TTC6: variants seen among roughly 807,000 people sequenced by gnomAD.
TTC6 encodes the protein tetratricopeptide repeat protein 6.
A neutral mutation model predicts 210.4 loss-of-function variants in TTC6; 172 were observed. The ratio of observed to expected loss-of-function variants is 0.82; its 90% CI spans 0.72 to 0.93. The LOEUF (loss-of-function observed/expected upper bound fraction) is 0.93, where lower values mean the gene tolerates loss of function less well. TTC6 is among the 40% of genes least tolerant of loss of function. TTC6 has a pLI of 0.00. For synonymous variants in TTC6, 804 were observed against 819.6 expected (o/e 0.98, Z 0.32); for missense variants, 2,414 against 2,318.1 (o/e 1.04, Z -0.85).
intron 8 of TTC6, among the ~76,000 whole-genome samples, chr14:37,737,215 TG>T (rs1449428532): frequency 6.6e-6 from 1 of 152,172 alleles, no homozygotes; most frequent in Non-Finnish European, 1.5e-5. Flanking sequence ...AACACTTGCG[TG>T]GTTTCCTGAA....
intron 1 of TTC6, among the ~76,000 whole-genome samples, chr14:37,640,501 A>G (rs565835594): frequency 1.3e-5 from 2 of 152,298 alleles, no homozygotes; most frequent in African/African-American, 4.8e-5. Context: ...TTTAAAATAC[A>G]TAACTCAATT....
intron 5 of TTC6, among the ~76,000 whole-genome samples, chr14:37,703,069 T>A (rs2138690764): frequency 6.6e-6 from 1 of 152,164 alleles, no homozygotes; most frequent in Non-Finnish European, 1.5e-5. Flanking sequence ...AGCATGACAT[T>A]CTTTGGAATA....
intron 24 of TTC6, 23 bp downstream of exon 26, chr14:37,808,869 C>T: frequency 8.1e-7 from 1 of 1,239,550 alleles, no homozygotes; most frequent in Non-Finnish European, 1.2e-6. Context: ...TTTTAGTAAA[C>T]AATGTGTTTA....
chr14:37,602,624 G>GATGA (rs1216747286), intron 1 of TTC6, among the ~76,000 whole-genome samples: 1 of 152,110 alleles, frequency 6.6e-6, no homozygotes, highest in Non-Finnish European at 1.5e-5. Context: ...CCACCGGGTG[G>GATGA]ATGAACCCAC....
intron 3 of TTC6, among the ~76,000 whole-genome samples, chr14:37,693,063 G>A (rs2095807342): frequency 6.6e-6 from 1 of 151,804 alleles, no homozygotes; most frequent in Non-Finnish European, 1.5e-5. Context: ...CAGACAACAG[G>A]AAGAAATAAA....
Position 37,610,423 on chromosome 14 carries a change from G to A in TTC6, c.-155+3681G>A, listed in dbSNP as rs930417949. 2.6e-5 allele frequency among the ~76,000 whole-genome samples: 4 copies of A among 152,188 alleles called. No homozygotes were observed. In the East Asian group the frequency reaches 7.7e-4, roughly 29 times the overall value. Reference sequence around the variant, plus strand: ...TTTTTTAGTTGCCTGAATTTGGAGAGAGAGGGGTTGGTACAGAGGAATATA... The same window carrying A: ...TTTTTTAGTTGCCTGAATTTGGAGAAAGAGGGGTTGGTACAGAGGAATATA... On this transcript the variant is annotated intron_variant, in intron 2 of 2. Coordinates refer to the TTC6 transcript ENST00000556845.
chr14:37,790,489 T>G (rs1333513769), intron 15 of TTC6, among the ~76,000 whole-genome samples: 1 of 152,196 alleles, frequency 6.6e-6, no homozygotes, highest in Non-Finnish European at 1.5e-5. Flanking sequence ...TTAATTCAGC[T>G]CTAATGAGTT....
chr14:37,795,868 A>G (rs768106417), intron 18 of TTC6, among the ~76,000 whole-genome samples: 1 of 152,184 alleles, frequency 6.6e-6, no homozygotes, highest in Non-Finnish European at 1.5e-5. Context: ...TATCAAAAAT[A>G]TAAACTTTTA....
intron 14 of TTC6, among the ~76,000 whole-genome samples, chr14:37,786,281 G>A (rs12161884): frequency 6.6e-6 from 1 of 152,210 alleles, no homozygotes; most frequent in Non-Finnish European, 1.5e-5. Flanking sequence ...CACCCAGTTC[G>A]AGTTTCCCAG....
chr14:37,747,774 T>TGGCA (rs1210351503), intron 10 of TTC6, among the ~76,000 whole-genome samples: 1 of 152,168 alleles, frequency 6.6e-6, no homozygotes, highest in African/African-American at 2.4e-5. Flanking sequence ...GAAACATATC[T>TGGCA]GGCACAGAAG....
intron 14 of TTC6, among the ~76,000 whole-genome samples, chr14:37,771,383 A>G (rs1403754247): frequency 6.6e-6 from 1 of 152,084 alleles, no homozygotes; most frequent in African/African-American, 2.4e-5. Context: ...CTCCTGGATA[A>G]TATCCTGCAG....
At chr14:37,619,853 A>T (rs910341694), upstream of TTC6, among the ~76,000 whole-genome samples, 13 of 151,992 alleles carry the variant, frequency 8.6e-5, no homozygotes, top group African/African-American at 3.1e-4. Context: ...ATTACCTTTC[A>T]AAGTTCAAAA....
At chr14:37,761,187 A>G (rs2095983359) in intron 14 of TTC6, among the ~76,000 whole-genome samples, 1 of 151,966 alleles carries the variant, frequency 6.6e-6, no homozygotes, top group Admixed American at 6.6e-5. Context: ...TGCAATAACC[A>G]TGGGAAAAGT....
intron 14 of TTC6, among the ~76,000 whole-genome samples, chr14:37,758,652 G>A (rs2095974986): frequency 6.6e-6 from 1 of 152,108 alleles, no homozygotes; most frequent in African/African-American, 2.4e-5. Context: ...TTGCATGTCT[G>A]TATCTTTTAA....
intron 25 of TTC6, among the ~76,000 whole-genome samples, chr14:37,816,525 C>CG (rs1397586975): frequency 2.0e-5 from 3 of 152,166 alleles, no homozygotes; most frequent in Admixed American, 2.0e-4. Context: ...ATATTCCCCA[C>CG]TGCTCTGCTT....
intron 3 of TTC6, among the ~76,000 whole-genome samples, chr14:37,693,234 C>T (rs1256233490): frequency 6.6e-6 from 1 of 152,120 alleles, no homozygotes; most frequent in Non-Finnish European, 1.5e-5. Context: ...AAATCAGTAG[C>T]ATTTCTATGC....
chr14:37,761,292 C>G (rs149119416), intron 14 of TTC6, among the ~76,000 whole-genome samples: 1 of 151,852 alleles, frequency 6.6e-6, no homozygotes, highest in South Asian at 2.1e-4. Context: ...GAGGCAACAC[C>G]CCACCCTGCT....
chr14:37,722,350 A>T (rs1007665932), intron 6 of TTC6, among the ~76,000 whole-genome samples: 7 of 152,098 alleles, frequency 4.6e-5, no homozygotes, highest in African/African-American at 1.2e-4. Flanking sequence ...TGTGGGAACC[A>T]ATTTACCATG....
At chr14:37,809,280 A>T (rs1951640) in intron 24 of TTC6, among the ~76,000 whole-genome samples, 110,758 of 140,900 alleles carry the variant, frequency 0.79, 43,882 homozygotes, top group Non-Finnish European at 0.84. Flanking sequence ...TGAGACGGAG[A>T]CTCACTCTGT....
Sources: gnomAD v4.1 joint callset for allele counts (sites outside exome capture counted in the v4.1 genomes callset) on GRCh38, gnomAD v4.1.1 for gene constraint, MANE v1.5 for transcripts, NCBI Gene and HGNC (gene_info 2026-07-23, HGNC 2026-07-21) for gene names.